Variants in MKLN1 observed in about 807,000 individuals in gnomAD.
The protein encoded by MKLN1 is muskelin 1, also known as muskelin.
A neutral mutation model predicts 99.0 loss-of-function variants in MKLN1; 18 were observed. The ratio of observed to expected loss-of-function variants is 0.18; its 90% CI spans 0.13 to 0.27. The LOEUF (loss-of-function observed/expected upper bound fraction) is 0.27, where lower values mean the gene tolerates loss of function less well. Among genes scored for constraint, MKLN1 ranks in the 10% least tolerant of loss-of-function variants. MKLN1 has a pLI of 1.00. For synonymous variants in MKLN1, 288 were observed against 293.2 expected, an observed-to-expected ratio of 0.98 and a Z score of 0.18; for missense variants, 621 against 875.9, an observed-to-expected ratio of 0.71 and a Z score of 3.67.
At chr7:131,313,717 C>A (rs1283795582) in intron 3 of MKLN1, among the ~76,000 whole-genome samples, 1 of 152,200 alleles carries the variant, frequency 6.6e-6, no homozygotes, top group Non-Finnish European at 1.5e-5. Context: ...ATAAGGAGAC[C>A]TATTTCACTT....
intron 1 of MKLN1, among the ~76,000 whole-genome samples, chr7:131,356,105 G>C (rs953146274): frequency 6.7e-6 from 1 of 149,250 alleles, no homozygotes; most frequent in African/African-American, 2.5e-5. Flanking sequence ...AAAAGGAAAG[G>C]AGCAAAGTAC....
At chr7:131,185,706 G>A (rs1227741456) in intron 2 of MKLN1, among the ~76,000 whole-genome samples, 2 of 152,150 alleles carry the variant, frequency 1.3e-5, no homozygotes, top group Non-Finnish European at 2.9e-5. Context: ...TCACATACTA[G>A]CCGTATGACC....
chr7:131,283,271 T>A (rs189742739), intron 3 of MKLN1, among the ~76,000 whole-genome samples: 1 of 152,038 alleles, frequency 6.6e-6, no homozygotes, highest in East Asian at 1.9e-4. Context: ...CGGCTTGCCA[T>A]GATAAAACCT....
intron 4 of MKLN1, among the ~76,000 whole-genome samples, chr7:131,395,691 T>A (rs934045091): frequency 6.6e-6 from 1 of 151,632 alleles, no homozygotes; most frequent in African/African-American, 2.4e-5. Flanking sequence ...GAAAAATAGT[T>A]GTTTTGAAAA....
At chr7:131,331,638 G>A (rs953664724) in intron 1 of MKLN1, among the ~76,000 whole-genome samples, 21 of 152,086 alleles carry the variant, frequency 1.4e-4, no homozygotes, top group African/African-American at 4.3e-4. Context: ...TAATGATGAG[G>A]AGGAAGAAAA....
rs907187722 is a variant in MKLN1 at position 131,487,768 on chromosome 7, G to A, written c.*40G>A. 3 of 1,600,474 alleles carry A rather than the reference G, an allele frequency of 1.9e-6. No individual in the cohort carries two copies. The highest frequency in any genetic ancestry group is 1.1e-5 in the South Asian group (1 of 89,044). On this transcript the variant is annotated 3_prime_UTR_variant, in exon 18 of 18. Coordinates refer to ENST00000352689, the MANE Select transcript of MKLN1 (RefSeq NM_013255.5). This position sits in a 1 kb window ranked among gnomAD's most constrained non-coding sequence, Gnocchi z 4.7. The stretch of plus-strand genomic sequence containing the variant: ...GACACAGAAATGGAAAACAGGAGTC[G>A]ATTTTCCGTCTTTTGGATTGCAGCT...
intron 1 of MKLN1, among the ~76,000 whole-genome samples, chr7:131,349,132 A>C (rs766626144): frequency 9.1e-4 from 139 of 152,312 alleles, no homozygotes; most frequent in Non-Finnish European, 1.7e-3. Context: ...TGATTATTTT[A>C]GTAAAATTAA....
At chr7:131,429,724 G>A (rs371820317) in intron 9 of MKLN1, among the ~76,000 whole-genome samples, 22 of 152,140 alleles carry the variant, frequency 1.4e-4, no homozygotes, top group African/African-American at 4.3e-4. Flanking sequence ...GACTACAGGC[G>A]TCCGCCACCA....
intron 15 of MKLN1, among the ~76,000 whole-genome samples, chr7:131,469,732 T>C: frequency 6.6e-6 from 1 of 152,218 alleles, no homozygotes; most frequent in Non-Finnish European, 1.5e-5. Flanking sequence ...TTGAAAAGTA[T>C]ACCAACGTAT....
At chr7:131,156,447 C>CAAAAAAAAAAA (rs143988738) in intron 2 of MKLN1, among the ~76,000 whole-genome samples, 2 of 74,666 alleles carry the variant, frequency 2.7e-5, no homozygotes, top group Non-Finnish European at 2.4e-5. Flanking sequence ...GACTCTGTCT[C>CAAAAAAAAAAA]AAAAAAAAAA....
At chr7:131,120,874 C>T (rs531189604) in intron 1 of MKLN1, among the ~76,000 whole-genome samples, 5 of 152,326 alleles carry the variant, frequency 3.3e-5, no homozygotes, top group South Asian at 4.1e-4. Flanking sequence ...AACCTCTGCC[C>T]GTTACCCAGT....
In MKLN1 at chr7:131,437,580, C is replaced by A. The variant is rs460092; in HGVS notation, c.961-205C>A. 2.0e-5 allele frequency among the ~76,000 whole-genome samples: 3 copies of A among 152,282 alleles called. No homozygotes were observed. The South Asian group carries it at 6.2e-4, about 32-fold the overall frequency. On this transcript the variant is annotated intron_variant, in intron 9 of 17. Coordinates refer to ENST00000352689, the MANE Select transcript of MKLN1 (RefSeq NM_013255.5). ...TTTAAGCATTTCTAAGGTAAGATTT[C>A]TGTCTCCTACTGCTTACTGCTTTTG...
chr7:131,487,024 T>G lies in MKLN1; in HGVS notation c.2087-583T>G, dbSNP rs1357919414. Among the ~76,000 whole-genome samples the G allele has an allele frequency of 2.0e-5, 3 of 152,192 alleles. No homozygotes were observed. The highest frequency in any genetic ancestry group is 2.9e-5 in the Non-Finnish European group (2 of 68,024). ...GTATAGTGTTATGTGCAGATACCAT[T>G]CTGCATATTGTACATGTATCTCCCT... On this transcript the variant is annotated intron_variant, in intron 17 of 17. Transcript: ENST00000352689. The surrounding 1 kb of genome is among the most constrained non-coding windows in gnomAD (Gnocchi z 4.7).
At chr7:131,172,604 C>T (rs1454519298) in intron 2 of MKLN1, among the ~76,000 whole-genome samples, 2 of 152,158 alleles carry the variant, frequency 1.3e-5, no homozygotes, top group African/African-American at 2.4e-5. Flanking sequence ...CGTGAGCCAC[C>T]GTGCCGGCCA....
intron 2 of MKLN1, among the ~76,000 whole-genome samples, chr7:131,199,766 T>C (rs1385977303): frequency 6.6e-6 from 1 of 152,246 alleles, no homozygotes; most frequent in Admixed American, 6.5e-5. Context: ...TGATCTCGAC[T>C]CACTGCAACA....
At chr7:131,296,646 C>T (rs1280155085) in intron 3 of MKLN1, among the ~76,000 whole-genome samples, 2 of 152,208 alleles carry the variant, frequency 1.3e-5, no homozygotes, top group African/African-American at 2.4e-5. Flanking sequence ...CCTAATTACT[C>T]GGGAAGCTAA....
At chr7:131,474,212 G>A (rs192166230) in intron 16 of MKLN1, among the ~76,000 whole-genome samples, 1 of 152,090 alleles carries the variant, frequency 6.6e-6, no homozygotes, top group Non-Finnish European at 1.5e-5. Flanking sequence ...ATATTTTAAA[G>A]ATAGAACCAA....
intron 12 of MKLN1, among the ~76,000 whole-genome samples, chr7:131,460,674 G>A (rs1175458352): frequency 6.6e-6 from 1 of 152,154 alleles, no homozygotes; most frequent in Non-Finnish European, 1.5e-5. Context: ...TCTCTGGTGA[G>A]TTACAGGCTC....
At chr7:131,143,323 T>C (rs188542477) in intron 2 of MKLN1, among the ~76,000 whole-genome samples, 2 of 152,082 alleles carry the variant, frequency 1.3e-5, no homozygotes, top group Admixed American at 1.3e-4. Context: ...AAAAAATTGC[T>C]GGGCATGGTG....
Sources: gnomAD v4.1 joint callset for allele counts (sites outside exome capture counted in the v4.1 genomes callset) on GRCh38, gnomAD v4.1.1 for gene constraint, Gnocchi (gnomAD v3.1) non-coding constraint, MANE v1.5 for transcripts, NCBI Gene and HGNC (gene_info 2026-07-23, HGNC 2026-07-21) for gene names.